PRKG1: variants seen among roughly 807,000 people sequenced by gnomAD.
PRKG1 encodes the protein protein kinase cGMP-dependent 1.
Under a neutral mutation model 88.1 loss-of-function variants are expected in PRKG1, and 35 were observed. That is an observed-to-expected ratio of 0.40 (90% CI 0.30 to 0.53). The LOEUF (loss-of-function observed/expected upper bound fraction) is 0.53. Among genes scored for constraint, PRKG1 ranks in the 20% least tolerant of loss-of-function variants. The pLI, the probability that PRKG1 is intolerant of heterozygous loss-of-function variation, is 0.59. For synonymous variants in PRKG1, 303 were observed against 292.5 expected (o/e 1.04, Z -0.37); for missense variants, 540 against 839.8 (o/e 0.64, Z 4.41).
intron 2 of PRKG1, among the ~76,000 whole-genome samples, chr10:51,234,478 C>T (rs1838930515): frequency 6.6e-6 from 1 of 152,072 alleles, no homozygotes; most frequent in African/African-American, 2.4e-5. Context: ...CAAAAATAAA[C>T]CAATAAAAAT....
chr10:51,680,667 T>C (rs546452066), intron 3 of PRKG1, among the ~76,000 whole-genome samples: 4 of 152,354 alleles, frequency 2.6e-5, no homozygotes, highest in African/African-American at 9.6e-5. Context: ...TTAATTGTGT[T>C]CCTATAGTAC....
intron 5 of PRKG1, among the ~76,000 whole-genome samples, chr10:51,997,751 C>T (rs1439685279): frequency 1.3e-5 from 2 of 151,912 alleles, no homozygotes; most frequent in African/African-American, 2.4e-5. Context: ...TTGGGTTTTT[C>T]TATATACATA....
intron 1 of PRKG1, among the ~76,000 whole-genome samples, chr10:51,011,005 G>T (rs1311870646): frequency 6.6e-6 from 1 of 152,184 alleles, no homozygotes; most frequent in Non-Finnish European, 1.5e-5. Flanking sequence ...AGGCACAGGG[G>T]TTGAAGGATA....
chr10:51,407,781 C>T (rs760105744), intron 2 of PRKG1, among the ~76,000 whole-genome samples: 3 of 152,182 alleles, frequency 2.0e-5, no homozygotes, highest in Non-Finnish European at 4.4e-5. Context: ...CACTAAGAGA[C>T]ACCCTAATGG....
At chr10:52,040,840 T>TTC (rs1262614522) in intron 5 of PRKG1, among the ~76,000 whole-genome samples, 2 of 143,338 alleles carry the variant, frequency 1.4e-5, no homozygotes, top group East Asian at 2.0e-4. Context: ...TTCTTTTTTT[T>TTC]TTTTTTTTTT....
intron 3 of PRKG1, among the ~76,000 whole-genome samples, chr10:51,670,692 C>T (rs1286745468): frequency 1.4e-4 from 21 of 147,472 alleles, no homozygotes; most frequent in Middle Eastern, 3.3e-3. Context: ...GCCGAGATCC[C>T]GCCACTGCAC....
chr10:51,502,705 A>G (rs913142244), intron 3 of PRKG1, among the ~76,000 whole-genome samples: 3 of 152,190 alleles, frequency 2.0e-5, no homozygotes, highest in Non-Finnish European at 4.4e-5. Context: ...AAATGAAATC[A>G]TGCATATTAT....
chr10:51,324,691 A>G (rs1003670676), intron 2 of PRKG1, among the ~76,000 whole-genome samples: 5 of 152,108 alleles, frequency 3.3e-5, no homozygotes, highest in Non-Finnish European at 7.4e-5. Flanking sequence ...CAGTGAGCCG[A>G]GATCGCGCCA....
intron 3 of PRKG1, among the ~76,000 whole-genome samples, chr10:51,680,111 T>G (rs1018122765): frequency 1.3e-5 from 2 of 152,152 alleles, no homozygotes; most frequent in African/African-American, 4.8e-5. Context: ...ATGGTGTCAA[T>G]CTGCTCTAGT....
chr10:51,922,330 T>A (rs1842480846), intron 5 of PRKG1, among the ~76,000 whole-genome samples: 1 of 151,678 alleles, frequency 6.6e-6, no homozygotes, highest in Non-Finnish European at 1.5e-5. Flanking sequence ...ATTTTATTCA[T>A]CTTTTCCAAG....
At chr10:51,328,657 T>A (rs1841653492) in intron 2 of PRKG1, among the ~76,000 whole-genome samples, 1 of 152,222 alleles carries the variant, frequency 6.6e-6, no homozygotes, top group African/African-American at 2.4e-5. Flanking sequence ...TTTCTCCACA[T>A]CTTCGGTGAT....
chr10:52,258,582 A>C lies in PRKG1; in HGVS notation c.1173+6916A>C, dbSNP rs1293643551. On this transcript the variant is annotated intron_variant, in intron 10 of 17. Transcript: ENST00000373980. ...ATTGAAAGAGCTGTTGTTATTGCCC[A>C]GAATTACTGATTTTTTAACTAGAAG... 2.0e-5 allele frequency among the ~76,000 whole-genome samples: 3 copies of C among 151,958 alleles called. No individual in the cohort carries two copies. In the South Asian group the frequency reaches 6.2e-4, roughly 31 times the overall value.
chr10:51,959,921 A>C (rs1843404616), intron 5 of PRKG1, among the ~76,000 whole-genome samples: 1 of 152,168 alleles, frequency 6.6e-6, no homozygotes, highest in African/African-American at 2.4e-5. Flanking sequence ...CACATTAAGT[A>C]TAAACAGAGC....
chr10:51,154,183 G>A (rs984361280), intron 2 of PRKG1, among the ~76,000 whole-genome samples: 1 of 151,946 alleles, frequency 6.6e-6, no homozygotes, highest in Non-Finnish European at 1.5e-5. Context: ...GTGTATTTGG[G>A]CAAGTCACTT....
At chr10:51,742,039 C>T (rs1298489702) in intron 3 of PRKG1, among the ~76,000 whole-genome samples, 1 of 152,168 alleles carries the variant, frequency 6.6e-6, no homozygotes, top group Non-Finnish European at 1.5e-5. Flanking sequence ...TCTTACACAT[C>T]CATCCAAAGC....
At chr10:51,995,070 G>T (rs1294159850) in intron 5 of PRKG1, among the ~76,000 whole-genome samples, 1 of 143,632 alleles carries the variant, frequency 7.0e-6, no homozygotes, top group Non-Finnish European at 1.6e-5. Flanking sequence ...ATCCAGAGAG[G>T]TTAAATAACT....
chr10:51,927,470 T>A (rs1842603551), intron 5 of PRKG1, among the ~76,000 whole-genome samples: 1 of 152,158 alleles, frequency 6.6e-6, no homozygotes, highest in Admixed American at 6.5e-5. Flanking sequence ...GAAAATGGAC[T>A]AATACAATAG....
At chr10:51,238,658 G>A (rs1484887931) in intron 2 of PRKG1, among the ~76,000 whole-genome samples, 1 of 151,884 alleles carries the variant, frequency 6.6e-6, no homozygotes, top group African/African-American at 2.4e-5. Context: ...CTTCTCAGGA[G>A]GCTGAGGCAG....
intron 5 of PRKG1, among the ~76,000 whole-genome samples, chr10:51,955,944 G>T (rs182876511): frequency 5.6e-4 from 86 of 152,246 alleles, no homozygotes; most frequent in Non-Finnish European, 9.7e-4. Context: ...TTCTGGGGAA[G>T]CTGCAAGTAC....
Sources: allele counts gnomAD v4.1 joint callset (sites outside exome capture counted in the v4.1 genomes callset), GRCh38; gene constraint gnomAD v4.1.1; transcripts MANE v1.5; gene names NCBI Gene and HGNC (gene_info 2026-07-23, HGNC 2026-07-21).